TEAD4: variants seen among roughly 807,000 people sequenced by gnomAD.
TEAD4 encodes transcriptional enhancer factor TEF-3.
A neutral mutation model predicts 52.4 loss-of-function variants in TEAD4; 36 were observed. The ratio of observed to expected loss-of-function variants is 0.69; its 90% confidence interval spans 0.53 to 0.91. The LOEUF is 0.91. Ranked by LOEUF, TEAD4 falls within the 40% of genes least tolerant of loss-of-function variation. The pLI is 0.00. For synonymous variants in TEAD4, 220 were observed against 231.0 expected (o/e 0.95, Z 0.43); for missense variants, 508 against 583.9 (o/e 0.87, Z 1.34).
intron 2 of TEAD4, among the ~76,000 whole-genome samples, chr12:2,962,394 G>A (rs1301730670): frequency 6.8e-6 from 1 of 146,454 alleles, no homozygotes; most frequent in Non-Finnish European, 1.5e-5. Context: ...GGAGTGCGAT[G>A]GTGCGATCTC....
chr12:3,001,118 C>T (rs1218088476), intron 3 of TEAD4, among the ~76,000 whole-genome samples: 1 of 152,196 alleles, frequency 6.6e-6, no homozygotes, highest in African/African-American at 2.4e-5. Context: ...TGAGAGCTGG[C>T]GTGACCTTGG....
chr12:2,998,324 C>CCG (rs1458460589), intron 3 of TEAD4, among the ~76,000 whole-genome samples: 1 of 152,018 alleles, frequency 6.6e-6, no homozygotes, highest in African/African-American at 2.4e-5. Flanking sequence ...TATAAAGATA[C>CCG]TGGGGTTAAG....
intron 10 of TEAD4, among the ~76,000 whole-genome samples, chr12:3,025,317 C>T (rs2098271426): frequency 6.6e-6 from 1 of 152,224 alleles, no homozygotes; most frequent in Non-Finnish European, 1.5e-5. Context: ...TTTCCTAGCT[C>T]TTGCATTTCT....
chr12:2,978,928 G>C (rs1373126171), intron 2 of TEAD4, among the ~76,000 whole-genome samples: 1 of 151,302 alleles, frequency 6.6e-6, no homozygotes, highest in African/African-American at 2.4e-5. Flanking sequence ...TTGTTTGTTT[G>C]TTTTGGAGAT....
chr12:2,978,548 C>A (rs1371939366), intron 2 of TEAD4, among the ~76,000 whole-genome samples: 1 of 151,964 alleles, frequency 6.6e-6, no homozygotes, highest in East Asian at 1.9e-4. Context: ...GGACTATAGG[C>A]CTGCGCCACC....
intron 10 of TEAD4, among the ~76,000 whole-genome samples, chr12:3,033,929 C>A (rs1403438248): frequency 6.8e-6 from 1 of 147,128 alleles, no homozygotes; most frequent in Non-Finnish European, 1.5e-5. Context: ...AGGATCCAGG[C>A]ACTGAGGACG....
chr12:2,971,531 T>C (rs1439881696), intron 2 of TEAD4, among the ~76,000 whole-genome samples: 1 of 151,216 alleles, frequency 6.6e-6, no homozygotes, highest in Non-Finnish European at 1.5e-5. Flanking sequence ...GCTGGAGTGC[T>C]GTGGTGCGAT....
intron 2 of TEAD4, among the ~76,000 whole-genome samples, chr12:2,966,347 T>C (rs1162419171): frequency 6.6e-6 from 1 of 152,130 alleles, no homozygotes. Flanking sequence ...CCTCTATGTT[T>C]TCCATAGATA....
chr12:2,997,806 G>GA (rs1491418475), intron 3 of TEAD4, among the ~76,000 whole-genome samples: 2 of 83,242 alleles, frequency 2.4e-5, no homozygotes, highest in African/African-American at 2.9e-4. Flanking sequence ...TTGCTTTTTC[G>GA]GGGGGGGGGT....
Position 3,040,087 on chromosome 12 carries a change from G to A in TEAD4, c.1039-20G>A, listed in dbSNP as rs1035471183. 16 of 1,613,300 alleles carry A rather than the reference G, an allele frequency of 9.9e-6. No homozygotes were observed. Among genetic ancestry groups the A allele is most frequent in the Non-Finnish European group, 1.4e-5 (16 of 1,179,466 alleles). ...GGTCAGAATGGGATTCTAAGCCCCTGCTCTCCCCGGGTCCTGCAGACAGAG... is the reference window on the plus strand; with the variant it reads ...GGTCAGAATGGGATTCTAAGCCCCTACTCTCCCCGGGTCCTGCAGACAGAG... On this transcript the variant is annotated intron_variant, in intron 11 of 12. Transcript: ENST00000359864.
intron 2 of TEAD4, among the ~76,000 whole-genome samples, chr12:2,966,193 A>G (rs2098220092): frequency 6.6e-6 from 1 of 152,152 alleles, no homozygotes; most frequent in African/African-American, 2.4e-5. Flanking sequence ...GTACAAGAGA[A>G]AGCAGTGTGG....
chr12:3,013,334 A>G lies in TEAD4; in HGVS notation c.354+1102A>G, dbSNP rs540492592. Among the ~76,000 whole-genome samples the G allele has an allele frequency of 3.4e-5, 5 of 148,194 alleles. No homozygotes were observed. In the East Asian group the frequency reaches 1.0e-3, roughly 30 times the overall value. On this transcript the variant is annotated intron_variant, in intron 5 of 12. Coordinates refer to ENST00000359864, the MANE Select transcript of TEAD4 (RefSeq NM_003213.4). ...CAACAAAATATCACCCTGATGTGTT[A>G]TCAGAGGAGCCGTTCTGGTCAAAGC... is the stretch of plus-strand genomic sequence containing the variant.
At chr12:3,038,288 GC>G (rs1565555566) in intron 11 of TEAD4, among the ~76,000 whole-genome samples, 180 bp downstream of exon 11, 1 of 152,190 alleles carries the variant, frequency 6.6e-6, no homozygotes, top group Non-Finnish European at 1.5e-5. Flanking sequence ...CCAGTGTCCT[GC>G]CCAGCTAACC....
intron 2 of TEAD4, among the ~76,000 whole-genome samples, chr12:2,968,491 G>T (rs557838166): frequency 7.7e-6 from 1 of 129,338 alleles, no homozygotes; most frequent in Non-Finnish European, 1.6e-5. Flanking sequence ...TCAACCTCCC[G>T]CGCCCAAGTG....
chr12:2,979,394 G>A (rs1299188287), intron 2 of TEAD4, among the ~76,000 whole-genome samples: 1 of 152,154 alleles, frequency 6.6e-6, no homozygotes, highest in East Asian at 1.9e-4. Context: ...GACCACTTGA[G>A]GCAGCAAAAG....
At chr12:3,017,646 GGGC>G (rs2098265577) in intron 6 of TEAD4, 120 bp downstream of exon 6, 1 of 1,373,542 alleles carries the variant, frequency 7.3e-7, no homozygotes, top group Non-Finnish European at 9.6e-7. Flanking sequence ...CTCTTGGCCA[GGGC>G]AGTCAGGGAA....
chr12:2,964,246 G>A (rs1591550106), intron 2 of TEAD4, among the ~76,000 whole-genome samples: 2 of 152,290 alleles, frequency 1.3e-5, no homozygotes, highest in East Asian at 1.9e-4. Flanking sequence ...GCCAGGACTT[G>A]GTCTTCCCCT....
intron 11 of TEAD4, 99 bp from the exon 12 acceptor site, chr12:3,040,008 G>T: frequency 6.6e-7 from 1 of 1,513,694 alleles, no homozygotes. Context: ...TTTTCTTAAG[G>T]GCCCCCAGGC....
At chr12:3,037,393 G>A (rs1224974901) in intron 10 of TEAD4, among the ~76,000 whole-genome samples, 2 of 152,168 alleles carry the variant, frequency 1.3e-5, no homozygotes, top group African/African-American at 4.8e-5. Context: ...AGTGCCTAGA[G>A]GGGGAAGAGG....
Sources: allele counts gnomAD v4.1 joint callset (sites outside exome capture counted in the v4.1 genomes callset), GRCh38; gene constraint gnomAD v4.1.1; transcripts MANE v1.5; gene names NCBI Gene and HGNC (gene_info 2026-07-23, HGNC 2026-07-21).